The following CSF2RA variants were observed in gnomAD, a reference collection of about 807,000 sequenced individuals.
The protein encoded by CSF2RA is colony stimulating factor 2 receptor subunit alpha.
CSF2RA carries 42 observed loss-of-function variants against 51.6 expected under a neutral mutation model. The observed-to-expected ratio is 0.81, with a 90% CI of 0.64 to 1.05. The LOEUF (loss-of-function observed/expected upper bound fraction) is 1.05. CSF2RA is among the 50% of genes least tolerant of loss of function. The probability of loss-of-function intolerance (pLI) is 0.00; values close to 1 mark genes in which losing one functional copy is unlikely to be tolerated. For missense variants in CSF2RA, 530 were observed against 501.1 expected, an observed-to-expected ratio of 1.06 and a Z score of -0.55; for synonymous variants, 222 against 193.0, an observed-to-expected ratio of 1.15 and a Z score of -1.24.
chrX:1,304,931 C>T (rs1288050996), intron 11 of CSF2RA, among the ~76,000 whole-genome samples: 10 of 150,414 alleles, frequency 6.6e-5, no homozygotes, highest in Admixed American at 6.0e-4. Flanking sequence ...TCCCAAAGTG[C>T]TGGGATTACA....
intron 1 of CSF2RA, among the ~76,000 whole-genome samples, 200 bp from the exon 2 acceptor site, chrX:1,274,555 C>A (rs2088893728): frequency 6.6e-6 from 1 of 151,446 alleles, no homozygotes; most frequent in Non-Finnish European, 1.5e-5. Flanking sequence ...GAACTCCTGG[C>A]CTCAAATGAT....
chrX:1,280,155 C>G (rs1216635620), intron 2 of CSF2RA, among the ~76,000 whole-genome samples: 1 of 151,982 alleles, frequency 6.6e-6, no homozygotes, highest in African/African-American at 2.4e-5. Flanking sequence ...ATGGGTCCCA[C>G]CAGGTGCAGA....
At chrX:1,283,702 G>C (rs1200913908) in intron 3 of CSF2RA, among the ~76,000 whole-genome samples, 1 of 151,740 alleles carries the variant, frequency 6.6e-6, no homozygotes, top group Admixed American at 6.6e-5. Context: ...CGAGTAGCTG[G>C]GATTACAGGC....
At chrX:1,270,547 T>A (rs1388649926) in intron 1 of CSF2RA, among the ~76,000 whole-genome samples, 9 of 152,066 alleles carry the variant, frequency 5.9e-5, no homozygotes, top group African/African-American at 1.4e-4. Flanking sequence ...CCCAATATTA[T>A]CATTTTTAAA....
chrX:1,314,970 GTGCCTGCCCAAT>G (rs2084500739), downstream of CSF2RA, among the ~76,000 whole-genome samples: 5 of 112,600 alleles, frequency 4.4e-5, no homozygotes, highest in African/African-American at 1.6e-4. Flanking sequence ...CAACCCCACT[GTGCCTGCCCAAT>G]CGCACTGCAC....
At chrX:1,318,325 A>T in the CSF2RA span, among the ~76,000 whole-genome samples, 1 of 151,522 alleles carries the variant, frequency 6.6e-6, no homozygotes, top group East Asian at 2.0e-4. Context: ...CACCACACCC[A>T]GCTAATTTTG....
At chrX:1,300,412 A>T in intron 9 of CSF2RA, 79 bp from the exon 10 acceptor site, 1 of 1,530,826 alleles carries the variant, frequency 6.5e-7, no homozygotes, top group Non-Finnish European at 8.9e-7. Context: ...AAAAACTTAA[A>T]AGACAAAAGA....
intron 11 of CSF2RA, among the ~76,000 whole-genome samples, chrX:1,304,383 G>T: frequency 7.0e-6 from 1 of 142,494 alleles, no homozygotes; most frequent in South Asian, 2.4e-4. Context: ...CTGGGCGACA[G>T]GGCGAGACTC....
At chrX:1,312,090 G>A (rs2084217263), downstream of CSF2RA, among the ~76,000 whole-genome samples, 1 of 152,090 alleles carries the variant, frequency 6.6e-6, no homozygotes, top group Non-Finnish European at 1.5e-5. Flanking sequence ...TCGAGTAGCT[G>A]GGATGACAGG....
intron 12 of CSF2RA, among the ~76,000 whole-genome samples, chrX:1,307,469 A>C (rs757400114): frequency 4.3e-5 from 3 of 70,306 alleles, no homozygotes; most frequent in East Asian, 3.8e-4. Flanking sequence ...GCCCACCCTT[A>C]CCCTTTAGAC....
chrX:1,300,337 G>T (rs1203464681), intron 9 of CSF2RA, 154 bp from the exon 10 acceptor site: 11 of 916,406 alleles, frequency 1.2e-5, no homozygotes, highest in Admixed American at 2.5e-5. Context: ...TCGAAGACCC[G>T]ATCAGACCAA....
chrX:1,287,266 A>ACCG (rs2090811226), intron 4 of CSF2RA: 1 of 137,076 alleles, frequency 7.3e-6, no homozygotes, highest in African/African-American at 2.8e-5. Flanking sequence ...CGATTCTCCT[A>ACCG]TCTCAGCCTC....
Position 1,285,695 on chromosome X carries a change from C to G in CSF2RA, c.77-83C>G, listed in dbSNP as rs1174715662. The stretch of plus-strand genomic sequence containing the variant: ...CCAGCCTGGGAGACAAAGCCAGACT[C>G]CGTCTCAAAAAAAAAAAAAAAAAAA... On this transcript the variant is annotated intron_variant, in intron 3 of 12. Transcript: ENST00000381529. 5.9e-6 allele frequency: 8 copies of G among 1,356,470 alleles called. No individual in the cohort carries two copies. The Admixed American group carries it at 1.2e-4, about 20-fold the overall frequency. The allele number at this position is 1,356,470 out of a possible 1,614,324, so 84.0% of individuals were successfully genotyped here.
chrX:1,286,468 C>G (rs1390286353), intron 4 of CSF2RA, among the ~76,000 whole-genome samples: 1 of 110,530 alleles, frequency 9.0e-6, no homozygotes, highest in African/African-American at 3.1e-5. Context: ...ACTCGGGAGG[C>G]TGAGGCAGGA....
chrX:1,322,449 T>G, the CSF2RA span, among the ~76,000 whole-genome samples: 3 of 149,784 alleles, frequency 2.0e-5, no homozygotes, highest in African/African-American at 7.3e-5. Flanking sequence ...GTTTTTTTTT[T>G]TTTTTTTTTT....
chrX:1,282,842 G>A, intron 3 of CSF2RA, 63 bp downstream of exon 3: 1 of 1,351,648 alleles, frequency 7.4e-7, no homozygotes, highest in Middle Eastern at 1.8e-4. Context: ...TGCATCTGGA[G>A]ACCCATCTGG....
At chrX:1,324,140 A>G in the CSF2RA span, among the ~76,000 whole-genome samples, 1 of 151,738 alleles carries the variant, frequency 6.6e-6, no homozygotes, top group Non-Finnish European at 1.5e-5. Context: ...AGCTAAGATC[A>G]CGCCGCTGCA....
intron 6 of CSF2RA, among the ~76,000 whole-genome samples, chrX:1,289,442 GTTGTT>G (rs1189143939): frequency 1.3e-5 from 2 of 151,992 alleles, no homozygotes; most frequent in African/African-American, 4.8e-5. Context: ...TTTTTTGGTT[GTTGTT>G]TTGTTTTGTG....
chrX:1,287,574 G>T (rs1453910042), intron 4 of CSF2RA, among the ~76,000 whole-genome samples: 1 of 149,132 alleles, frequency 6.7e-6, no homozygotes, highest in African/African-American at 2.5e-5. Flanking sequence ...CTCCTGAGTA[G>T]CTGGGATTAC....
Sources: gnomAD v4.1 joint callset for allele counts (sites outside exome capture counted in the v4.1 genomes callset) on GRCh38, gnomAD v4.1.1 for gene constraint, MANE v1.5 for transcripts, NCBI Gene and HGNC (gene_info 2026-07-23, HGNC 2026-07-21) for gene names.